The following ESRRB variants were observed in gnomAD, a reference collection of about 807,000 sequenced individuals.
The protein encoded by ESRRB is steroid hormone receptor ERR2.
In ESRRB, 16 loss-of-function variants were observed where a neutral mutation model predicts 46.0. The observed-to-expected ratio is 0.35, with a 90% CI of 0.24 to 0.53. The LOEUF (loss-of-function observed/expected upper bound fraction) is 0.53. ESRRB is among the 20% of genes least tolerant of loss of function. The pLI is 0.93. For missense variants in ESRRB, 488 were observed against 607.4 expected (o/e 0.80, Z 2.07); for synonymous variants, 246 against 259.6 (o/e 0.95, Z 0.50).
chr14:76,500,373 AG>A lies in ESRRB; in HGVS notation c.*1916del. The A allele has an allele frequency of 1.7e-6, 1 of 584,880 alleles. No homozygotes were observed. The highest frequency in any genetic ancestry group is 2.8e-5 in the East Asian group (1 of 35,450). 36.2% of individuals were successfully genotyped at this position (584,880 alleles called of 1,614,324 possible). ...CCGTTACCCAGGATGCTGCGGCCCTAGCCCTCCATGCAGCCCATCTTCCCTC... is the reference window on the plus strand; with the variant it reads ...CCGTTACCCAGGATGCTGCGGCCCTACCCTCCATGCAGCCCATCTTCCCTC... On this transcript the variant is annotated 3_prime_UTR_variant, in exon 7 of 7. Transcript: ENST00000644823.
chr14:76,451,717 G>C (rs1439282820), intron 2 of ESRRB, among the ~76,000 whole-genome samples: 2 of 151,850 alleles, frequency 1.3e-5, no homozygotes. Context: ...GATTCTCCTG[G>C]GTTCAAGCGA....
chr14:76,465,040 A>T (rs1017507339), intron 3 of ESRRB, among the ~76,000 whole-genome samples: 7 of 152,044 alleles, frequency 4.6e-5, no homozygotes, highest in Non-Finnish European at 8.8e-5. Context: ...GCCAGGGGCC[A>T]CTTGGTCACA....
chr14:76,433,868 A>G (rs960998585), intron 1 of ESRRB, among the ~76,000 whole-genome samples: 6 of 151,874 alleles, frequency 4.0e-5, no homozygotes, highest in Non-Finnish European at 7.4e-5. Context: ...TGCTCATCCA[A>G]TTTCCATGAC....
chr14:76,335,169 C>T (rs1884111705), intron 1 of ESRRB, among the ~76,000 whole-genome samples: 1 of 152,198 alleles, frequency 6.6e-6, no homozygotes, highest in African/African-American at 2.4e-5. Flanking sequence ...ATTTGGAATG[C>T]TCTCCTTCAC....
chr14:76,425,332 A>C (rs1248364105), intron 1 of ESRRB, among the ~76,000 whole-genome samples: 1 of 152,146 alleles, frequency 6.6e-6, no homozygotes, highest in East Asian at 1.9e-4. Flanking sequence ...CAAGATGTAA[A>C]TATTTGCCTC....
chr14:76,324,790 C>T (rs1036163041), intron 1 of ESRRB, among the ~76,000 whole-genome samples: 5 of 152,100 alleles, frequency 3.3e-5, no homozygotes, highest in African/African-American at 4.8e-5. Flanking sequence ...GCCTCTTTCT[C>T]TTCTAAGGAC....
intron 2 of ESRRB, among the ~76,000 whole-genome samples, chr14:76,450,145 G>T (rs937124020): frequency 6.6e-6 from 1 of 152,110 alleles, no homozygotes; most frequent in Non-Finnish European, 1.5e-5. Context: ...CTGAGAAAGG[G>T]GGGGGGTCTC....
chr14:76,332,130 G>T (rs1884020653), intron 1 of ESRRB, among the ~76,000 whole-genome samples: 1 of 151,818 alleles, frequency 6.6e-6, no homozygotes, highest in African/African-American at 2.4e-5. Flanking sequence ...AGGAGAGGAT[G>T]ATTGGAGTTG....
chr14:76,448,173 G>C (rs1353314826), intron 2 of ESRRB, among the ~76,000 whole-genome samples: 1 of 152,040 alleles, frequency 6.6e-6, no homozygotes, highest in Non-Finnish European at 1.5e-5. Flanking sequence ...CTCCAGGAAG[G>C]CTTCTCTGAT....
At chr14:76,471,379 A>T (rs1867654) in intron 3 of ESRRB, among the ~76,000 whole-genome samples, 100,126 of 152,030 alleles carry the variant, frequency 0.66, 33,281 homozygotes, top group East Asian at 0.77. Context: ...GCTTTACATC[A>T]CTCAGTGGCT....
At chr14:76,370,008 C>T (rs1884582312), upstream of ESRRB, among the ~76,000 whole-genome samples, 2 of 152,200 alleles carry the variant, frequency 1.3e-5, no homozygotes, top group African/African-American at 4.8e-5. Context: ...AAACTATCAT[C>T]AGCCAAAGAG....
intron 1 of ESRRB, among the ~76,000 whole-genome samples, chr14:76,410,042 G>A (rs767620335): frequency 2.0e-5 from 3 of 152,214 alleles, no homozygotes; most frequent in Middle Eastern, 3.4e-3. Context: ...TGGCCAACAT[G>A]GTGAAACTCC....
intron 1 of ESRRB, among the ~76,000 whole-genome samples, chr14:76,437,863 C>T (rs535907061): frequency 4.8e-4 from 73 of 152,164 alleles, no homozygotes; most frequent in Non-Finnish European, 8.7e-4. Flanking sequence ...CACCCTTGCC[C>T]GCCTTCTCCT....
intron 1 of ESRRB, among the ~76,000 whole-genome samples, chr14:76,361,575 C>T (rs1412149967): frequency 6.6e-6 from 1 of 152,138 alleles, no homozygotes; most frequent in East Asian, 1.9e-4. Context: ...GGAAGATTTC[C>T]AAGGCTGGAG....
At chr14:76,488,926 C>T (rs905200314) in intron 5 of ESRRB, among the ~76,000 whole-genome samples, 5 of 152,274 alleles carry the variant, frequency 3.3e-5, no homozygotes, top group South Asian at 4.1e-4. Context: ...CACTGTAAAC[C>T]GTTGAAGGCA....
intron 2 of ESRRB, among the ~76,000 whole-genome samples, chr14:76,456,926 C>T (rs996938836): frequency 4.6e-5 from 7 of 152,136 alleles, no homozygotes; most frequent in Admixed American, 3.9e-4. Flanking sequence ...GACCATCACC[C>T]CAGCCCTTTC....
At position 76,362,024 on chromosome 14, in the gene ESRRB, G is replaced by A. The variant is rs141472702; in HGVS notation, c.2+51108G>A. 2.5e-3 allele frequency among the ~76,000 whole-genome samples: 386 copies of A among 152,316 alleles called. 4 individuals are homozygous for A. The highest frequency in any genetic ancestry group is 8.8e-3 in the African/African-American group (367 of 41,562). On this transcript the variant is annotated intron_variant, in intron 1 of 6. Coordinates refer to the ESRRB transcript ENST00000512784. ...AGCTGTGCTCTGCCCTGAGTCTGGG[G>A]CTGAGTCTTACCAAATCTGAGCACA...
intron 1 of ESRRB, among the ~76,000 whole-genome samples, chr14:76,339,374 T>C (rs1248855156): frequency 6.6e-6 from 1 of 152,196 alleles, no homozygotes; most frequent in Non-Finnish European, 1.5e-5. Flanking sequence ...AATAAGATAA[T>C]GAACGCACTT....
chr14:76,357,485 T>C (rs1291822290), intron 1 of ESRRB, among the ~76,000 whole-genome samples: 1 of 152,058 alleles, frequency 6.6e-6, no homozygotes, highest in Non-Finnish European at 1.5e-5. Flanking sequence ...CAATGTGGGG[T>C]CATTTTCTTT....
Sources: allele counts gnomAD v4.1 joint callset (sites outside exome capture counted in the v4.1 genomes callset), GRCh38; gene constraint gnomAD v4.1.1; transcripts MANE v1.5; gene names NCBI Gene and HGNC (gene_info 2026-07-23, HGNC 2026-07-21).